Variants in RBFOX1 observed in about 807,000 individuals in gnomAD.
RBFOX1 encodes the protein RNA binding fox-1 homolog 1.
RBFOX1 carries 8 observed loss-of-function variants against 57.7 expected under a neutral mutation model. The observed-to-expected ratio is 0.14, with a 90% CI of 0.08 to 0.25. The LOEUF (loss-of-function observed/expected upper bound fraction) is 0.25, where lower values mean the gene tolerates loss of function less well. Ranked by LOEUF, RBFOX1 falls within the 10% of genes least tolerant of loss-of-function variation. The probability of loss-of-function intolerance (pLI) is 1.00; values close to 1 mark genes in which losing one functional copy is unlikely to be tolerated. For synonymous variants in RBFOX1, 326 were observed against 222.4 expected (o/e 1.47, Z -4.15); for missense variants, 611 against 548.5 (o/e 1.11, Z -1.14).
At chr16:5,552,919 T>G (rs1340721223) in intron 2 of RBFOX1, among the ~76,000 whole-genome samples, 1 of 151,980 alleles carries the variant, frequency 6.6e-6, no homozygotes, top group African/African-American at 2.4e-5. Context: ...GGGCAAGAAT[T>G]CAAAAGGCAA....
At chr16:5,399,812 T>C (rs1035648666) in intron 1 of RBFOX1, among the ~76,000 whole-genome samples, 1 of 152,136 alleles carries the variant, frequency 6.6e-6, no homozygotes, top group Non-Finnish European at 1.5e-5. Context: ...TTTGTCCATC[T>C]GTCTATCCCT....
intron 1 of RBFOX1, among the ~76,000 whole-genome samples, chr16:6,121,782 C>A (rs924465674): frequency 1.3e-5 from 2 of 152,168 alleles, no homozygotes; most frequent in African/African-American, 4.8e-5. Context: ...CAGACTGTTT[C>A]CTCCTCTGTA....
At chr16:5,560,599 T>A (rs2045856510) in intron 2 of RBFOX1, among the ~76,000 whole-genome samples, 1 of 152,214 alleles carries the variant, frequency 6.6e-6, no homozygotes, top group African/African-American at 2.4e-5. Context: ...CTATTTTTGG[T>A]GGGTGTGCAG....
At chr16:7,147,793 T>A (rs2075319253) in intron 4 of RBFOX1, among the ~76,000 whole-genome samples, 1 of 152,186 alleles carries the variant, frequency 6.6e-6, no homozygotes, top group Non-Finnish European at 1.5e-5. Context: ...AGTGCGTGTG[T>A]CTTTTTGGTA....
At chr16:5,618,973 C>T (rs907459599) in intron 3 of RBFOX1, among the ~76,000 whole-genome samples, 11 of 152,260 alleles carry the variant, frequency 7.2e-5, no homozygotes, top group African/African-American at 2.2e-4. Context: ...TCCTCCCAGC[C>T]GGCATCCTTT....
chr16:6,122,780 A>T (rs1354314310), intron 1 of RBFOX1, among the ~76,000 whole-genome samples: 1 of 142,202 alleles, frequency 7.0e-6, no homozygotes, highest in African/African-American at 2.7e-5. Flanking sequence ...GCGGAATATG[A>T]TCTGTGTGGC....
intron 2 of RBFOX1, among the ~76,000 whole-genome samples, chr16:6,646,462 T>C (rs145639849): frequency 1.1e-3 from 171 of 152,282 alleles, no homozygotes; most frequent in South Asian, 1.7e-3. Flanking sequence ...ATCGCTCTTT[T>C]CTGTCGCTTG....
intron 1 of RBFOX1, among the ~76,000 whole-genome samples, chr16:5,400,091 T>TTTTA (rs1567451368): frequency 1.3e-5 from 2 of 151,866 alleles, no homozygotes; most frequent in African/African-American, 4.8e-5. Context: ...TTCTTTTTTC[T>TTTTA]TTTCTTTCTT....
intron 4 of RBFOX1, among the ~76,000 whole-genome samples, chr16:7,199,559 A>T (rs1447196103): frequency 6.6e-6 from 1 of 152,186 alleles, no homozygotes; most frequent in African/African-American, 2.4e-5. Context: ...ACTTCCATAC[A>T]CAGAATCAGC....
intron 4 of RBFOX1, among the ~76,000 whole-genome samples, chr16:7,249,998 T>C (rs1237153851): frequency 6.6e-6 from 1 of 152,230 alleles, no homozygotes; most frequent in African/African-American, 2.4e-5. Context: ...TCCTTTCCAA[T>C]TGCCATTTTT....
chr16:5,887,099 T>C (rs1208313988), intron 4 of RBFOX1, among the ~76,000 whole-genome samples: 2 of 152,084 alleles, frequency 1.3e-5, no homozygotes, highest in African/African-American at 4.8e-5. Context: ...CAACCAAAAA[T>C]GTTTCCAGAC....
chr16:7,005,781 A>G (rs1057448833), intron 3 of RBFOX1, among the ~76,000 whole-genome samples: 4 of 152,200 alleles, frequency 2.6e-5, no homozygotes, highest in Admixed American at 6.5e-5. Context: ...CCTAAATCGC[A>G]AGATGACCAT....
At chr16:6,849,729 C>T (rs1278119150) in intron 3 of RBFOX1, among the ~76,000 whole-genome samples, 1 of 152,110 alleles carries the variant, frequency 6.6e-6, no homozygotes, top group Non-Finnish European at 1.5e-5. Context: ...TGACTGTCTA[C>T]ATCGCCTACA....
chr16:5,358,827 C>CA (rs1192506901), intron 1 of RBFOX1, among the ~76,000 whole-genome samples: 11 of 151,390 alleles, frequency 7.3e-5, no homozygotes, highest in South Asian at 4.2e-4. Context: ...AACTCCATCT[C>CA]AAAAAAAAGA....
At chr16:6,890,335 A>G (rs1308820836) in intron 3 of RBFOX1, among the ~76,000 whole-genome samples, 3 of 152,130 alleles carry the variant, frequency 2.0e-5, no homozygotes, top group East Asian at 1.9e-4. Flanking sequence ...CCTGGCCTAC[A>G]AGGTGAAACC....
Position 6,967,830 on chromosome 16 carries a change from G to T in RBFOX1, c.-15-84227G>T, listed in dbSNP as rs545089147. Among the ~76,000 whole-genome samples, 5 of 152,208 alleles carry T rather than the reference G, an allele frequency of 3.3e-5. No individual in the cohort carries two copies. The South Asian group carries it at 8.3e-4, about 25-fold the overall frequency. On this transcript the variant is annotated intron_variant, in intron 3 of 15. Coordinates refer to ENST00000550418, the MANE Select transcript of RBFOX1 (RefSeq NM_018723.4). ...GAAACTAAGAATGTAAGGGGACAGG[G>T]TTTAGAAGCAACCAGACATACTTCC...
chr16:6,730,040 T>C lies in RBFOX1; in HGVS notation c.-16+75390T>C, dbSNP rs537897922. ...AATTTGGAGAGCTTGGAAATAATCATGGAGATAATCTTGATGTTCTTTATA... is the reference window on the plus strand; with the variant it reads ...AATTTGGAGAGCTTGGAAATAATCACGGAGATAATCTTGATGTTCTTTATA... On this transcript the variant is annotated intron_variant, in intron 3 of 15. Transcript: ENST00000550418. Among the ~76,000 whole-genome samples, 4 of 152,256 alleles carry C rather than the reference T, an allele frequency of 2.6e-5. No homozygotes were observed. The South Asian group carries it at 8.3e-4, about 32-fold the overall frequency.
chr16:6,014,933 G>A (rs2094984141), upstream of RBFOX1, among the ~76,000 whole-genome samples: 2 of 150,258 alleles, frequency 1.3e-5, no homozygotes, highest in South Asian at 4.2e-4. Context: ...GCAGCTTTCT[G>A]TAGCCTCAAG....
chr16:6,931,327 AT>A (rs1567941720), intron 3 of RBFOX1, among the ~76,000 whole-genome samples: 17 of 122,146 alleles, frequency 1.4e-4, no homozygotes, highest in Non-Finnish European at 2.2e-4. Flanking sequence ...CTATCTATCT[AT>A]CTATCTATCT....
Sources: allele counts gnomAD v4.1 joint callset (sites outside exome capture counted in the v4.1 genomes callset), GRCh38; gene constraint gnomAD v4.1.1; transcripts MANE v1.5; gene names NCBI Gene and HGNC (gene_info 2026-07-23, HGNC 2026-07-21).